The following ARID1B variants were observed in gnomAD, a reference collection of about 807,000 sequenced individuals.
ARID1B encodes AT-rich interactive domain-containing protein 1B.
A neutral mutation model predicts 212.3 loss-of-function variants in ARID1B; 30 were observed. The ratio of observed to expected loss-of-function variants is 0.14; its 90% CI spans 0.11 to 0.19. The LOEUF is 0.19. ARID1B is among the 10% of genes least tolerant of loss of function. The pLI is 1.00. For missense variants in ARID1B, 2,891 were observed against 3,204.0 expected, an observed-to-expected ratio of 0.90 and a Z score of 2.36; for synonymous variants, 1,402 against 1,301.7, an observed-to-expected ratio of 1.08 and a Z score of -1.66.
At chr6:156,864,926 G>A (rs116220884) in intron 2 of ARID1B, among the ~76,000 whole-genome samples, 6 of 152,064 alleles carry the variant, frequency 3.9e-5, no homozygotes, top group South Asian at 2.1e-4. Flanking sequence ...TTTGTTTTTC[G>A]TAAATAATTT....
chr6:156,900,609 A>G (rs1255137860), intron 2 of ARID1B, among the ~76,000 whole-genome samples: 1 of 152,182 alleles, frequency 6.6e-6, no homozygotes, highest in African/African-American at 2.4e-5. Context: ...GAAATTACAG[A>G]AAAAGGCAAT....
At chr6:156,806,192 C>T (rs11966756) in intron 1 of ARID1B, among the ~76,000 whole-genome samples, 5,770 of 152,208 alleles carry the variant, frequency 0.038, 388 homozygotes, top group African/African-American at 0.13. Flanking sequence ...GTGCGTTGCC[C>T]AGGTCCTCAA....
chr6:157,061,660 C>G (rs1241972724), intron 4 of ARID1B, among the ~76,000 whole-genome samples: 1 of 151,968 alleles, frequency 6.6e-6, no homozygotes, highest in Non-Finnish European at 1.5e-5. Flanking sequence ...TATTACATGG[C>G]ACATACACTT....
At chr6:157,101,323 G>A (rs1786037030) in intron 5 of ARID1B, among the ~76,000 whole-genome samples, 1 of 152,140 alleles carries the variant, frequency 6.6e-6, no homozygotes, top group African/African-American at 2.4e-5. Flanking sequence ...GATCATGATA[G>A]AGTTATTTGC....
At chr6:157,018,959 G>T (rs1028913689) in intron 4 of ARID1B, among the ~76,000 whole-genome samples, 2 of 152,064 alleles carry the variant, frequency 1.3e-5, no homozygotes, top group African/African-American at 4.8e-5. Context: ...GAAGGGATCT[G>T]TATGAATAAA....
At chr6:156,996,985 TAG>T (rs1562536792) in intron 4 of ARID1B, among the ~76,000 whole-genome samples, 1 of 152,202 alleles carries the variant, frequency 6.6e-6, no homozygotes, top group Non-Finnish European at 1.5e-5. Flanking sequence ...GTGTTATTCA[TAG>T]AGAGTATGGT....
At chr6:157,090,834 G>A (rs977216199) in intron 5 of ARID1B, among the ~76,000 whole-genome samples, 34 of 152,256 alleles carry the variant, frequency 2.2e-4, no homozygotes, top group African/African-American at 6.0e-4. Flanking sequence ...CATTCCAGGA[G>A]CCACCTTCAC....
chr6:157,110,454 C>G lies in ARID1B; in HGVS notation c.2492-18C>G. The G allele has an allele frequency of 6.2e-7, 1 of 1,612,420 alleles. No homozygotes were observed. Among genetic ancestry groups the G allele is most frequent in the Non-Finnish European group, 8.5e-7 (1 of 1,178,486 alleles). On this transcript the variant is annotated intron_variant, in intron 5 of 19. Coordinates refer to ENST00000636930, the MANE Select transcript of ARID1B (RefSeq NM_001374828.1). Reference sequence around the variant, plus strand: ...CAAAGGGTTCCCCCATCTCCACTTTCCCTCCTGTGTTTTACAGGTAGTCAG... The same window carrying G: ...CAAAGGGTTCCCCCATCTCCACTTTGCCTCCTGTGTTTTACAGGTAGTCAG...
At chr6:156,869,230 G>GT (rs1785933951) in intron 2 of ARID1B, among the ~76,000 whole-genome samples, 1 of 152,078 alleles carries the variant, frequency 6.6e-6, no homozygotes, top group African/African-American at 2.4e-5. Context: ...ACTTTTAGCT[G>GT]TTTTTTCTAA....
At chr6:156,870,919 A>G (rs1280870026) in intron 2 of ARID1B, among the ~76,000 whole-genome samples, 1 of 152,218 alleles carries the variant, frequency 6.6e-6, no homozygotes, top group Non-Finnish European at 1.5e-5. Context: ...AAAATGTCCT[A>G]ATAACATCTA....
chr6:157,034,082 A>C (rs185564039), intron 4 of ARID1B, among the ~76,000 whole-genome samples: 1 of 152,308 alleles, frequency 6.6e-6, no homozygotes, highest in Admixed American at 6.5e-5. Context: ...CTTACTGCTA[A>C]TTTTTAAGTC....
At chr6:157,082,802 C>T (rs1784720686) in intron 4 of ARID1B, among the ~76,000 whole-genome samples, 1 of 152,168 alleles carries the variant, frequency 6.6e-6, no homozygotes, top group Non-Finnish European at 1.5e-5. Context: ...TAAGCACAGT[C>T]ATTGGACATT....
At chr6:156,805,531 A>C (rs976727337) in intron 1 of ARID1B, among the ~76,000 whole-genome samples, 5 of 152,122 alleles carry the variant, frequency 3.3e-5, no homozygotes, top group African/African-American at 1.2e-4. Flanking sequence ...AAGGGCAGCT[A>C]TTGGTTTGCC....
chr6:156,918,176 A>T (rs1304830589), intron 3 of ARID1B, among the ~76,000 whole-genome samples: 1 of 152,196 alleles, frequency 6.6e-6, no homozygotes, highest in Non-Finnish European at 1.5e-5. Flanking sequence ...CATGCCACTC[A>T]AGTCATTGAA....
Position 156,786,946 on chromosome 6 carries a change from CT to C in ARID1B, c.1791+7492del, listed in dbSNP as rs373597720. On this transcript the variant is annotated intron_variant, in intron 1 of 19. Coordinates refer to ENST00000636930, the MANE Select transcript of ARID1B (RefSeq NM_001374828.1). ...GTGGGTCAGCAGTCTATTTGGCCTG[CT>C]TTTTTTTTTTTTTTTTCCGGTGGGG... 6.8e-3 allele frequency among the ~76,000 whole-genome samples: 882 copies of C among 128,802 alleles called. 6 individuals carry two copies. The highest frequency in any genetic ancestry group is 0.017 in the African/African-American group (599 of 34,766). The allele number at this position is 128,802 out of a possible 152,430, so 84.5% of individuals were successfully genotyped here.
chr6:157,203,844 C>A lies in ARID1B; in HGVS notation c.5264-22C>A. 1 of 1,613,700 alleles carries A rather than the reference C, an allele frequency of 6.2e-7. No individual in the cohort carries two copies. ...TGCATAGAGTCAACATTCATGATAT[C>A]CTTGTTCTTCCCCATCTTCAGTTAC... On this transcript the variant is annotated intron_variant, in intron 18 of 19. Coordinates refer to ENST00000636930, the MANE Select transcript of ARID1B (RefSeq NM_001374828.1). This position sits in a 1 kb window ranked among gnomAD's most constrained non-coding sequence, Gnocchi z 4.4.
At chr6:156,843,305 T>C (rs1784021592) in intron 2 of ARID1B, among the ~76,000 whole-genome samples, 1 of 152,232 alleles carries the variant, frequency 6.6e-6, no homozygotes, top group African/African-American at 2.4e-5. Context: ...AAAATACAAT[T>C]TTTAAATTAA....
intron 4 of ARID1B, among the ~76,000 whole-genome samples, chr6:157,012,565 A>G (rs17088018): frequency 0.019 from 2,957 of 152,324 alleles, 82 homozygotes; most frequent in African/African-American, 0.065. Flanking sequence ...ACTCTAGCCA[A>G]CTGTAAATAG....
At chr6:156,851,251 C>T (rs949985043) in intron 2 of ARID1B, among the ~76,000 whole-genome samples, 2 of 152,130 alleles carry the variant, frequency 1.3e-5, no homozygotes, top group East Asian at 1.9e-4. Context: ...CTTAAGACTT[C>T]GAGGAGGAAG....
Sources: allele counts gnomAD v4.1 joint callset (sites outside exome capture counted in the v4.1 genomes callset), GRCh38; gene constraint gnomAD v4.1.1; non-coding constraint Gnocchi (gnomAD v3.1); transcripts MANE v1.5; gene names NCBI Gene and HGNC (gene_info 2026-07-23, HGNC 2026-07-21).